The following ZFP2 variants were observed in gnomAD, a reference collection of about 807,000 sequenced individuals.
The protein encoded by ZFP2 is zinc finger protein ZFP2.
A neutral mutation model predicts 36.1 loss-of-function variants in ZFP2; 33 were observed. That is an observed-to-expected ratio of 0.92 (90% CI 0.69 to 1.22). The LOEUF is 1.22. Among genes scored for constraint, ZFP2 ranks in the 50% most tolerant of loss-of-function variants. The pLI is 0.00. For missense variants in ZFP2, 522 were observed against 551.4 expected, an observed-to-expected ratio of 0.95 and a Z score of 0.53; for synonymous variants, 170 against 178.0, an observed-to-expected ratio of 0.96 and a Z score of 0.36.
chr5:178,927,075 C>T (rs1758690015), intron 4 of ZFP2, among the ~76,000 whole-genome samples: 1 of 152,184 alleles, frequency 6.6e-6, no homozygotes, highest in Non-Finnish European at 1.5e-5. Flanking sequence ...AGCTGATTCT[C>T]AGGTTGCAGT....
intron 4 of ZFP2, among the ~76,000 whole-genome samples, chr5:178,918,426 GC>G (rs1319816618): frequency 6.6e-6 from 1 of 152,160 alleles, no homozygotes; most frequent in Non-Finnish European, 1.5e-5. Flanking sequence ...AAATCAACTT[GC>G]CCTTTTCAAG....
At chr5:178,922,233 TA>T in intron 4 of ZFP2, 1 of 1,065,410 alleles carries the variant, frequency 9.4e-7, no homozygotes, top group Non-Finnish European at 1.5e-6. Context: ...GTCAGTCTAG[TA>T]CTATATTTAG....
chr5:178,904,497 G>A (rs1341301825), intron 1 of ZFP2, among the ~76,000 whole-genome samples: 1 of 151,714 alleles, frequency 6.6e-6, no homozygotes, highest in African/African-American at 2.4e-5. Flanking sequence ...ACTTGAAATG[G>A]AACCTTTAAA....
chr5:178,931,767 C>A lies in ZFP2; in HGVS notation c.454C>A (p.His152Asn). 1.2e-6 allele frequency: 2 copies of A among 1,614,088 alleles called. No homozygotes were observed. The highest frequency in any genetic ancestry group is 1.7e-6 in the Non-Finnish European group (2 of 1,180,006). ...CTCCCTTACTGTACATCAAAGAATT[C>A]ATACTGGAGAGAAACCCTATAAATG... is the stretch of plus-strand genomic sequence containing the variant. ...RSSLTVHQRI[H>N]TGEKPYKCNE... is the part of the protein sequence containing the mutation. The change falls in exon 5 of 5, where the codon CAT becomes AAT. Residue 152 changes from histidine to asparagine, a missense_variant. Transcript: ENST00000361362.
At chr5:178,906,158 G>A (rs1038743789) in intron 1 of ZFP2, among the ~76,000 whole-genome samples, 8 of 152,170 alleles carry the variant, frequency 5.3e-5, no homozygotes, top group East Asian at 3.9e-4. Context: ...GAAGCTCTGC[G>A]CATGCTGAGC....
At chr5:178,896,366 C>T (rs1757939435) in intron 1 of ZFP2, among the ~76,000 whole-genome samples, 1 of 152,208 alleles carries the variant, frequency 6.6e-6, no homozygotes, top group Admixed American at 6.5e-5. Context: ...CTGGCTTTCC[C>T]CAGCCGCGCG....
chr5:178,911,452 G>A (rs6872605), intron 1 of ZFP2, among the ~76,000 whole-genome samples: 55,098 of 151,958 alleles, frequency 0.36, 10,220 homozygotes, highest in East Asian at 0.5. Flanking sequence ...CCACCCCTGA[G>A]ACAGCAAGAC....
intron 4 of ZFP2, among the ~76,000 whole-genome samples, chr5:178,929,049 A>T (rs1400849082): frequency 6.6e-6 from 1 of 152,148 alleles, no homozygotes; most frequent in Non-Finnish European, 1.5e-5. Flanking sequence ...GGCCCCTTTC[A>T]GCCGTGGGTG....
At position 178,932,459 on chromosome 5, in the gene ZFP2, T is replaced by TG. The variant is rs778540177; in HGVS notation, c.1147dup (p.Glu383GlyfsTer4). The TG allele has an allele frequency of 6.2e-7, 1 of 1,614,144 alleles. No homozygotes were observed. Among genetic ancestry groups the TG allele is most frequent in the East Asian group, 2.2e-5 (1 of 44,874 alleles). On this transcript the variant is annotated frameshift_variant, in exon 5 of 5. Transcript: ENST00000361362. LOFTEE classifies it high-confidence loss of function. ...TCATTCACACTGGAGAGAAACCTTATGAGTGCAATGAATGTGGAAAGGCAT... is the reference window on the plus strand; with the variant it reads ...TCATTCACACTGGAGAGAAACCTTATGGAGTGCAATGAATGTGGAAAGGCAT...
At chr5:178,922,438 G>T in intron 4 of ZFP2, 1 of 1,371,890 alleles carries the variant, frequency 7.3e-7, no homozygotes, top group Non-Finnish European at 1.0e-6. Flanking sequence ...TTACTATTGT[G>T]CCTTACTTAT....
chr5:178,912,284 C>T lies in ZFP2; in HGVS notation c.-449-300C>T, dbSNP rs114995920. Among the ~76,000 whole-genome samples the T allele has an allele frequency of 6.7e-3, 1,023 of 152,308 alleles. 14 individuals carry two copies. The highest frequency in any genetic ancestry group is 0.024 in the African/African-American group (986 of 41,570). On this transcript the variant is annotated intron_variant, in intron 1 of 4. Coordinates refer to ENST00000361362, the MANE Select transcript of ZFP2 (RefSeq NM_030613.4). ...TACCATTTGGGGCAGGGATTCCTTC[C>T]TTCACCAATGAGGTGAATAGGAGGT...
rs1007634413 is a variant in ZFP2, at chr5:178,925,792, G to A, written c.-77-5445G>A. 3.4e-5 allele frequency among the ~76,000 whole-genome samples: 5 copies of A among 149,086 alleles called. 1 individual carries two copies. The highest frequency in any genetic ancestry group is 6.0e-5 in the Non-Finnish European group (4 of 66,514). ...AAGTCTCCATTCTAGTTTTTTGTGG[G>A]TCATGTGTTGCAAATATCTTCTCCC... On this transcript the variant is annotated intron_variant, in intron 4 of 4. Coordinates refer to ENST00000361362, the MANE Select transcript of ZFP2 (RefSeq NM_030613.4).
chr5:178,923,777 A>G (rs971607319), intron 4 of ZFP2, among the ~76,000 whole-genome samples: 1 of 147,604 alleles, frequency 6.8e-6, no homozygotes, highest in African/African-American at 2.5e-5. Flanking sequence ...GTAAGCATCA[A>G]CTCCTCAGAA....
intron 1 of ZFP2, among the ~76,000 whole-genome samples, chr5:178,904,909 G>A (rs1194768338): frequency 3.3e-5 from 5 of 151,786 alleles, no homozygotes; most frequent in Non-Finnish European, 7.4e-5. Context: ...TCACCATGCT[G>A]GCAGGCTGGT....
intron 1 of ZFP2, among the ~76,000 whole-genome samples, chr5:178,906,387 TATCTG>T (rs561192908): frequency 1.1e-3 from 169 of 152,340 alleles, no homozygotes; most frequent in Non-Finnish European, 1.9e-3. Flanking sequence ...TATTCTCCCT[TATCTG>T]ATAACGTTAT....
intron 1 of ZFP2, among the ~76,000 whole-genome samples, chr5:178,899,710 G>GT (rs930570904): frequency 4.6e-4 from 70 of 152,130 alleles, no homozygotes; most frequent in African/African-American, 1.6e-3. Context: ...AGCTGGGATA[G>GT]TAGGTGAGGA....
At chr5:178,906,481 G>C (rs1161995717) in intron 1 of ZFP2, among the ~76,000 whole-genome samples, 1 of 151,884 alleles carries the variant, frequency 6.6e-6, no homozygotes, top group African/African-American at 2.4e-5. Context: ...TAAACTTTTT[G>C]GTTTCTGTTT....
chr5:178,931,588 C>T lies in ZFP2; in HGVS notation c.275C>T (p.Thr92Ile), dbSNP rs769295605. The T allele has an allele frequency of 2.5e-6, 4 of 1,614,120 alleles. No homozygotes were observed. Among genetic ancestry groups the T allele is most frequent in the East Asian group, 2.2e-5 (1 of 44,872 alleles). The change falls in exon 5 of 5, where the codon ACT becomes ATT. Residue 92 changes from threonine to isoleucine, a missense_variant. Thr to Ile is a moderately conservative substitution (Grantham distance 89). Coordinates refer to ENST00000361362, the MANE Select transcript of ZFP2 (RefSeq NM_030613.4). ...DATQNSELIK[T>I]QRMFVGKKIY... ...ACACAAAATTCTGAGTTAATTAAAA[C>T]TCAAAGAATGTTTGTAGGAAAGAAG... is the stretch of plus-strand genomic sequence containing the variant.
intron 1 of ZFP2, among the ~76,000 whole-genome samples, chr5:178,908,536 A>G (rs1228700063): frequency 6.6e-6 from 1 of 151,170 alleles, no homozygotes; most frequent in Non-Finnish European, 1.5e-5. Flanking sequence ...AATATGCAAA[A>G]CAGATCTGGC....
Sources: allele counts gnomAD v4.1 joint callset (sites outside exome capture counted in the v4.1 genomes callset), GRCh38; gene constraint gnomAD v4.1.1; transcripts MANE v1.5; gene names NCBI Gene and HGNC (gene_info 2026-07-23, HGNC 2026-07-21).